Variants in NHSL1 observed in about 807,000 individuals in gnomAD.
NHSL1 encodes the protein NHS-like protein 1.
A neutral mutation model predicts 95.0 loss-of-function variants in NHSL1; 48 were observed. The observed-to-expected ratio is 0.51, with a 90% CI of 0.40 to 0.64. NHSL1 has a LOEUF of 0.64. NHSL1 is among the 30% of genes least tolerant of loss of function. The probability of loss-of-function intolerance (pLI) is 0.00; values close to 1 mark genes in which losing one functional copy is unlikely to be tolerated. For synonymous variants in NHSL1, 783 were observed against 833.9 expected (o/e 0.94, Z 1.05); for missense variants, 1,971 against 2,077.7 (o/e 0.95, Z 1.00).
intron 1 of NHSL1, among the ~76,000 whole-genome samples, chr6:138,666,408 G>A (rs901733971): frequency 1.3e-5 from 2 of 152,000 alleles, no homozygotes; most frequent in Non-Finnish European, 2.9e-5. Flanking sequence ...TGGCTAACAC[G>A]GTGAAACCCC....
Position 138,595,369 on chromosome 6 carries a change from T to C in NHSL1, c.96+97107A>G, listed in dbSNP as rs1167122611. ...CAGGAGGGTCACTTGAGGTCAGGAG[T>C]GTGAGACCAGCCTGGGCAACATAAC... On this transcript the variant is annotated intron_variant, in intron 1 of 3. Transcript: ENST00000491526. Among the ~76,000 whole-genome samples, 4 of 151,852 alleles carry C rather than the reference T, an allele frequency of 2.6e-5. No homozygotes were observed. The South Asian group carries it at 8.3e-4, about 32-fold the overall frequency.
Position 138,431,383 on chromosome 6 carries a change from A to G in NHSL1, c.2962T>C (p.Trp988Arg), listed in dbSNP as rs1022630587. The G allele has an allele frequency of 6.5e-7, 1 of 1,548,654 alleles. No individual in the cohort carries two copies. The highest frequency in any genetic ancestry group is 1.4e-5 in the African/African-American group (1 of 72,926). ...GCAGGGCGGGGAGGAGAAAGGCACCAATCAGGTGGGGAGCAGAAAGGAATG... is the reference window on the plus strand; with the variant it reads ...GCAGGGCGGGGAGGAGAAAGGCACCGATCAGGTGGGGAGCAGAAAGGAATG... ...ALIPFCSPPDWCLSPPRPALS... is the reference protein window; with the variant it reads ...ALIPFCSPPDRCLSPPRPALS... The change falls in exon 6 of 8, where the codon TGG becomes CGG. Residue 988 changes from tryptophan to arginine, a missense_variant. Around this residue, in one of 3 missense-constraint regions of NHSL1, gnomAD observed 1,602 missense variants for 1,654.5 expected, o/e 0.97. Coordinates refer to ENST00000343505, the MANE Select transcript of NHSL1 (RefSeq NM_001144060.2). This position sits in a 1 kb window ranked among gnomAD's most constrained non-coding sequence, Gnocchi z 4.0.
intron 1 of NHSL1, among the ~76,000 whole-genome samples, chr6:138,596,181 T>C (rs766231605): frequency 2.4e-4 from 36 of 152,300 alleles, no homozygotes; most frequent in South Asian, 1.4e-3. Flanking sequence ...TACCTCTGCC[T>C]GGCAATGGAG....
chr6:138,642,303 T>C (rs1400757457), intron 1 of NHSL1, among the ~76,000 whole-genome samples: 1 of 152,162 alleles, frequency 6.6e-6, no homozygotes, highest in Non-Finnish European at 1.5e-5. Context: ...TCTAATTAAT[T>C]TGCAATTTTA....
chr6:138,521,540 T>C (rs1382755901), intron 1 of NHSL1, among the ~76,000 whole-genome samples: 1 of 152,184 alleles, frequency 6.6e-6, no homozygotes, highest in Non-Finnish European at 1.5e-5. Flanking sequence ...ATGAGTATTC[T>C]GGATTGCAAT....
chr6:138,582,867 T>C (rs543389473), intron 1 of NHSL1, among the ~76,000 whole-genome samples: 2 of 152,338 alleles, frequency 1.3e-5, no homozygotes, highest in African/African-American at 4.8e-5. Context: ...GCTGTCTCCA[T>C]TCAAATAAGC....
chr6:138,439,830 T>C (rs1369737228), intron 5 of NHSL1, among the ~76,000 whole-genome samples: 4 of 151,820 alleles, frequency 2.6e-5, no homozygotes, highest in Non-Finnish European at 5.9e-5. Flanking sequence ...TGACGTTCCA[T>C]GTCACATGTA....
intron 1 of NHSL1, among the ~76,000 whole-genome samples, chr6:138,598,837 G>A (rs756240670): frequency 1.6e-4 from 25 of 151,996 alleles, no homozygotes; most frequent in Non-Finnish European, 1.9e-4. Context: ...ATTCAAAGAC[G>A]ACTGCATCCT....
At position 138,435,711 on chromosome 6, in the gene NHSL1, G is replaced by T. The variant is rs184894808; in HGVS notation, c.665-2031C>A. On this transcript the variant is annotated intron_variant, in intron 5 of 7. Transcript: ENST00000343505. ...TTTATTGTGCATTGCAGATAACTGG[G>T]GTTTTTTTTTTTGTTTTTTTGTTTT... 3.0e-3 allele frequency among the ~76,000 whole-genome samples: 450 copies of T among 148,684 alleles called. 2 individuals are homozygous for T. Among genetic ancestry groups the T allele is most frequent in the African/African-American group, 0.011 (434 of 38,600 alleles).
chr6:138,547,541 C>T (rs1034014533), upstream of NHSL1, among the ~76,000 whole-genome samples: 4 of 152,076 alleles, frequency 2.6e-5, no homozygotes, highest in East Asian at 1.9e-4. Flanking sequence ...CCGCCAGGCC[C>T]GGCTAATGTT....
At chr6:138,675,383 TGGA>T (rs1453331705) in intron 1 of NHSL1, among the ~76,000 whole-genome samples, 1 of 152,020 alleles carries the variant, frequency 6.6e-6, no homozygotes, top group Admixed American at 6.6e-5. Flanking sequence ...AAAAGGCAAG[TGGA>T]GGCCTGACCC....
chr6:138,577,157 A>G (rs929625946), upstream of NHSL1, among the ~76,000 whole-genome samples: 3 of 152,242 alleles, frequency 2.0e-5, no homozygotes, highest in African/African-American at 7.2e-5. Flanking sequence ...TGGCATCCTG[A>G]AAAAGGAGTT....
chr6:138,633,423 G>C (rs1784847876), intron 1 of NHSL1, among the ~76,000 whole-genome samples: 2 of 152,136 alleles, frequency 1.3e-5, no homozygotes, highest in African/African-American at 4.8e-5. Context: ...ATAAAGAAAA[G>C]ATCCTAAAAG....
At chr6:138,632,058 A>C (rs1784826591) in intron 1 of NHSL1, among the ~76,000 whole-genome samples, 1 of 152,196 alleles carries the variant, frequency 6.6e-6, no homozygotes, top group Non-Finnish European at 1.5e-5. Flanking sequence ...TTTGGGCCTT[A>C]AGAGAACATT....
chr6:138,423,967 A>C lies in NHSL1; in HGVS notation c.*114T>G. Reference sequence around the variant, plus strand: ...GGCTGGCAACCCCGGGGCCCACAGCACAGAAGCAGAGTGGGCTCCCCGGGT... The same window carrying C: ...GGCTGGCAACCCCGGGGCCCACAGCCCAGAAGCAGAGTGGGCTCCCCGGGT... On this transcript the variant is annotated 3_prime_UTR_variant, in exon 8 of 8. Transcript: ENST00000343505. 2.6e-6 allele frequency: 3 copies of C among 1,135,528 alleles called. No individual in the cohort carries two copies. Among genetic ancestry groups the C allele is most frequent in the Non-Finnish European group, 3.4e-6 (3 of 888,536 alleles). The allele number at this position is 1,135,528 out of a possible 1,614,324, so 70.3% of individuals were successfully genotyped here.
intron 3 of NHSL1, among the ~76,000 whole-genome samples, chr6:138,467,318 A>C (rs4896359): frequency 6.6e-6 from 1 of 151,708 alleles, no homozygotes; most frequent in African/African-American, 2.4e-5. Context: ...TCGCCTGGCT[A>C]ATTTTTTGTA....
intron 1 of NHSL1, chr6:138,650,878 C>G (rs139868377): frequency 1.3e-4 from 69 of 540,968 alleles, no homozygotes; most frequent in African/African-American, 1.0e-3. Context: ...GCTGGGGCCT[C>G]GGGCCTTGGA....
rs547375737 is a variant in NHSL1 at position 138,483,200 on chromosome 6, G to A, written c.212-9767C>T. Among the ~76,000 whole-genome samples the A allele has an allele frequency of 6.6e-5, 10 of 152,306 alleles. 1 individual carries two copies. Among genetic ancestry groups the A allele is most frequent in the African/African-American group, 1.4e-4 (6 of 41,558 alleles). Reference sequence around the variant, plus strand: ...TCTTCTCTACTCAGAGGAGGTGTTCGGTGGGGATCCCAAAGAGGGCAATAG... The same window carrying A: ...TCTTCTCTACTCAGAGGAGGTGTTCAGTGGGGATCCCAAAGAGGGCAATAG... On this transcript the variant is annotated intron_variant, in intron 2 of 7. Transcript: ENST00000343505.
intron 1 of NHSL1, among the ~76,000 whole-genome samples, chr6:138,594,405 C>G (rs940891590): frequency 9.9e-5 from 15 of 152,212 alleles, no homozygotes; most frequent in African/African-American, 3.1e-4. Context: ...CAACTCCTCC[C>G]CGGCTCTAAG....
Sources: gnomAD v4.1 joint callset for allele counts (sites outside exome capture counted in the v4.1 genomes callset) on GRCh38, gnomAD v4.1.1 for gene constraint, gnomAD v4.1.1 regional missense constraint, Gnocchi (gnomAD v3.1) non-coding constraint, MANE v1.5 for transcripts, NCBI Gene and HGNC (gene_info 2026-07-23, HGNC 2026-07-21) for gene names.